Variants in MAST4 observed in about 807,000 individuals in gnomAD.
The protein encoded by MAST4 is microtubule associated serine/threonine kinase family member 4.
A neutral mutation model predicts 162.7 loss-of-function variants in MAST4; 89 were observed. The observed-to-expected ratio is 0.55, with a 90% CI of 0.46 to 0.65. The LOEUF (loss-of-function observed/expected upper bound fraction) is 0.65. Among genes scored for constraint, MAST4 ranks in the 30% least tolerant of loss-of-function variants. The pLI, the probability that MAST4 is intolerant of heterozygous loss-of-function variation, is 0.00. For missense variants in MAST4, 3,153 were observed against 3,374.0 expected (o/e 0.93, Z 1.62); for synonymous variants, 1,479 against 1,361.1 (o/e 1.09, Z -1.91).
intron 1 of MAST4, among the ~76,000 whole-genome samples, chr5:66,614,996 G>C (rs1015300584): frequency 6.6e-6 from 1 of 152,140 alleles, no homozygotes; most frequent in Non-Finnish European, 1.5e-5. Flanking sequence ...GGTATTTCAC[G>C]CAGGAACCAG....
chr5:67,068,961 C>A (rs1172730796), intron 5 of MAST4, among the ~76,000 whole-genome samples: 1 of 151,802 alleles, frequency 6.6e-6, no homozygotes, highest in African/African-American at 2.4e-5. Flanking sequence ...GTAATAAAAA[C>A]CATGCATTTC....
intron 4 of MAST4, among the ~76,000 whole-genome samples, chr5:66,957,054 T>C (rs1745400278): frequency 6.6e-6 from 1 of 152,172 alleles, no homozygotes; most frequent in Non-Finnish European, 1.5e-5. Context: ...AAAAGGAAAC[T>C]GAAGTGAAAA....
intron 1 of MAST4, among the ~76,000 whole-genome samples, chr5:66,646,814 C>T (rs2149442647): frequency 6.6e-6 from 1 of 152,288 alleles, no homozygotes; most frequent in South Asian, 2.1e-4. Flanking sequence ...AGCAGCTCCG[C>T]TCGCTGACAG....
chr5:66,984,461 AT>A (rs912576559), intron 4 of MAST4, among the ~76,000 whole-genome samples: 72 of 152,044 alleles, frequency 4.7e-4, no homozygotes, highest in African/African-American at 1.7e-3. Flanking sequence ...TGATATTTTT[AT>A]TTTTTTGTTT....
At chr5:66,922,719 T>C (rs887785072) in intron 4 of MAST4, among the ~76,000 whole-genome samples, 1 of 152,134 alleles carries the variant, frequency 6.6e-6, no homozygotes, top group Non-Finnish European at 1.5e-5. Flanking sequence ...GCTGTCAAAG[T>C]AATGGAAAAT....
At chr5:67,031,684 G>T (rs906178444) in intron 4 of MAST4, among the ~76,000 whole-genome samples, 1 of 152,170 alleles carries the variant, frequency 6.6e-6, no homozygotes, top group Admixed American at 6.5e-5. Flanking sequence ...GTTAGCTGGA[G>T]AAAGAGCAGG....
chr5:67,024,783 G>T (rs778059571), intron 4 of MAST4, among the ~76,000 whole-genome samples: 2 of 151,942 alleles, frequency 1.3e-5, no homozygotes, highest in Admixed American at 1.3e-4. Flanking sequence ...GCCTCATTCA[G>T]TGCCTAGAAC....
intron 2 of MAST4, among the ~76,000 whole-genome samples, chr5:66,773,676 T>C (rs1323735452): frequency 6.6e-6 from 1 of 152,230 alleles, no homozygotes; most frequent in African/African-American, 2.4e-5. Context: ...AGGTTTCTTT[T>C]ACACAGCAGC....
rs1169251734 is a variant in MAST4 at position 66,597,028 on chromosome 5, TC to T, written c.363+14del. On this transcript the variant is annotated intron_variant, in intron 1 of 28. Coordinates refer to ENST00000403625, the MANE Select transcript of MAST4 (RefSeq NM_001164664.2). ...GGAGCAGGACGAGGAGGTGGGCCTT[TC>T]CCCAGCTTGCCCACTCTGGGTTCCG... The T allele has an allele frequency of 7.0e-7, 1 of 1,423,736 alleles. No homozygotes were observed. 88.2% of individuals were successfully genotyped at this position (1,423,736 alleles called of 1,614,324 possible). A position where few individuals can be genotyped will look rare whatever the true frequency, so the allele number is the denominator to read the frequency against.
At chr5:66,956,945 G>A (rs1369304362) in intron 4 of MAST4, among the ~76,000 whole-genome samples, 1 of 152,202 alleles carries the variant, frequency 6.6e-6, no homozygotes, top group Non-Finnish European at 1.5e-5. Flanking sequence ...GGAAAGAATG[G>A]TGGCATTCTG....
intron 4 of MAST4, among the ~76,000 whole-genome samples, chr5:67,044,608 A>C (rs1393431206): frequency 6.6e-6 from 1 of 152,114 alleles, no homozygotes; most frequent in Non-Finnish European, 1.5e-5. Flanking sequence ...TCAAACTCTT[A>C]GGATCAAGTT....
At chr5:66,890,987 T>C (rs1762327436) in intron 3 of MAST4, among the ~76,000 whole-genome samples, 1 of 152,214 alleles carries the variant, frequency 6.6e-6, no homozygotes, top group African/African-American at 2.4e-5. Context: ...GTTCCCACTA[T>C]TTGTGTAAAA....
At chr5:66,773,479 A>G (rs1009151592) in intron 2 of MAST4, among the ~76,000 whole-genome samples, 3 of 152,242 alleles carry the variant, frequency 2.0e-5, no homozygotes, top group African/African-American at 7.2e-5. Flanking sequence ...GAAAGAGAGA[A>G]TGATATTATT....
At chr5:66,675,950 C>T (rs1747918615) in intron 1 of MAST4, among the ~76,000 whole-genome samples, 1 of 152,124 alleles carries the variant, frequency 6.6e-6, no homozygotes, top group Admixed American at 6.5e-5. Flanking sequence ...ACAAAAAACT[C>T]CTAGGGTGAT....
chr5:67,067,457 T>C (rs1022443510), intron 5 of MAST4, among the ~76,000 whole-genome samples: 1 of 152,198 alleles, frequency 6.6e-6, no homozygotes, highest in African/African-American at 2.4e-5. Context: ...TACCAGAGGA[T>C]TATTACAACC....
intron 2 of MAST4, among the ~76,000 whole-genome samples, chr5:66,774,255 C>T (rs1472597172): frequency 6.6e-6 from 1 of 152,208 alleles, no homozygotes; most frequent in Non-Finnish European, 1.5e-5. Context: ...GCTGGGTAAA[C>T]CCACTGTTTC....
At chr5:67,061,820 C>CAAAAA (rs113115367) in intron 5 of MAST4, among the ~76,000 whole-genome samples, 1 of 94,326 alleles carries the variant, frequency 1.1e-5, no homozygotes. Flanking sequence ...AGTTCTTGGG[C>CAAAAA]AAAAAAAAAA....
In MAST4 at chr5:67,130,383, G is replaced by A; in HGVS notation, c.1919G>A (p.Arg640Lys). 2 of 1,613,950 alleles carry A rather than the reference G, an allele frequency of 1.2e-6. No individual in the cohort carries two copies. Among genetic ancestry groups the A allele is most frequent in the South Asian group, 1.1e-5 (1 of 91,074 alleles). The change falls in exon 15 of 29, where the codon AGG (arginine) becomes AAG (lysine). Residue 640 changes from arginine (R) to lysine (K), a missense_variant. Around this residue, in one of 7 missense-constraint regions of MAST4, gnomAD observed 131 missense variants for 253.8 expected, o/e 0.52. Transcript: ENST00000403625. ...VVSMYCSFET[R>K]RHLCMVMEYV... is the part of the protein sequence containing the mutation. ...AGCATGTATTGCTCCTTTGAAACAA[G>A]GCGCCACTTGTGCATGGTCATGGAA...
chr5:67,128,142 T>G (rs1457609488), intron 14 of MAST4, among the ~76,000 whole-genome samples: 1 of 152,230 alleles, frequency 6.6e-6, no homozygotes. Flanking sequence ...TTCTAAAACA[T>G]TCGTTTAGTT....
Sources: allele counts gnomAD v4.1 joint callset (sites outside exome capture counted in the v4.1 genomes callset), GRCh38; gene constraint gnomAD v4.1.1; regional missense constraint gnomAD v4.1.1; transcripts MANE v1.5; gene names NCBI Gene and HGNC (gene_info 2026-07-23, HGNC 2026-07-21).